Variants in TTC17 observed in about 807,000 individuals in gnomAD.
The protein encoded by TTC17 is tetratricopeptide repeat domain 17.
A neutral mutation model predicts 143.8 loss-of-function variants in TTC17; 58 were observed. The observed-to-expected ratio is 0.40, with a 90% CI of 0.33 to 0.50. The LOEUF (loss-of-function observed/expected upper bound fraction) is 0.50, where lower values mean the gene tolerates loss of function less well. Among genes scored for constraint, TTC17 ranks in the 20% least tolerant of loss-of-function variants. The probability of loss-of-function intolerance (pLI) is 0.49; values close to 1 mark genes in which losing one functional copy is unlikely to be tolerated. For missense variants in TTC17, 1,273 were observed against 1,392.5 expected (o/e 0.91, Z 1.37); for synonymous variants, 501 against 497.8 (o/e 1.01, Z -0.09).
chr11:43,432,276 G>T (rs1372343109), intron 16 of TTC17, among the ~76,000 whole-genome samples: 1 of 152,148 alleles, frequency 6.6e-6, no homozygotes, highest in African/African-American at 2.4e-5. Flanking sequence ...CACCCTTGTA[G>T]GATAGGTTAG....
chr11:43,417,528 G>A (rs1009851395), intron 16 of TTC17, among the ~76,000 whole-genome samples: 11 of 152,104 alleles, frequency 7.2e-5, no homozygotes, highest in African/African-American at 2.7e-4. Context: ...ATTGCTGGCT[G>A]GGTCACAGAA....
At chr11:43,384,234 A>T (rs1590333371) in intron 2 of TTC17, among the ~76,000 whole-genome samples, 1 of 152,176 alleles carries the variant, frequency 6.6e-6, no homozygotes, top group South Asian at 2.1e-4. Context: ...AAAAGTATCT[A>T]CTATGCAAAT....
Position 43,376,478 on chromosome 11 carries a change from C to T in TTC17, c.160-2755C>T, listed in dbSNP as rs959026790. On this transcript the variant is annotated intron_variant, in intron 1 of 23. Coordinates refer to ENST00000039989, the MANE Select transcript of TTC17 (RefSeq NM_018259.6). ...TATTTGCATCATTTATTGTTCTGTG[C>T]AGCAATGGAAGTTTGTAGGGTTGTT... Among the ~76,000 whole-genome samples the T allele has an allele frequency of 2.0e-5, 3 of 152,204 alleles. No homozygotes were observed. In the East Asian group the frequency reaches 5.8e-4, roughly 29 times the overall value.
chr11:43,376,453 T>C (rs1175388631), intron 1 of TTC17, among the ~76,000 whole-genome samples: 1 of 152,228 alleles, frequency 6.6e-6, no homozygotes, highest in African/African-American at 2.4e-5. Context: ...TTCAGGTTAT[T>C]ATTTGCATCA....
chr11:43,451,260 G>A lies in TTC17; in HGVS notation c.3025G>A (p.Glu1009Lys). 1 of 1,613,280 alleles carries A rather than the reference G, an allele frequency of 6.2e-7. No individual in the cohort carries two copies. The highest frequency in any genetic ancestry group is 8.5e-7 in the Non-Finnish European group (1 of 1,179,312). ...QIGTRIAKVL[E>K]KNQTSWVLSS... ...TGGCACCCGAATTGCCAAAGTTTTG[G>A]AAAAGGTAAGTCACCCCACAGAAAA... Residue 1009 changes from glutamate to lysine, a missense_variant, in exon 21 of 24, where the codon GAA becomes AAA. Coordinates refer to ENST00000039989, the MANE Select transcript of TTC17 (RefSeq NM_018259.6).
Position 43,404,177 on chromosome 11 carries a change from T to G in TTC17, c.1479+33T>G, listed in dbSNP as rs779946690. ...AATAGAGGATGACGAAGCAGTTTTC[T>G]CAAACTGGCAAGATCCATTAAAGCA... On this transcript the variant is annotated intron_variant, in intron 11 of 23. Coordinates refer to ENST00000039989, the MANE Select transcript of TTC17 (RefSeq NM_018259.6). 2.6e-5 allele frequency: 42 copies of G among 1,585,016 alleles called. No individual in the cohort carries two copies. In the South Asian group the frequency reaches 4.8e-4, roughly 18 times the overall value.
intron 1 of TTC17, among the ~76,000 whole-genome samples, chr11:43,377,325 A>T (rs547136976): frequency 6.6e-6 from 1 of 152,302 alleles, no homozygotes; most frequent in South Asian, 2.1e-4. Context: ...ATCTCATGGG[A>T]GCACCATCAC....
At chr11:43,417,572 ATGCC>A (rs377102873) in intron 16 of TTC17, among the ~76,000 whole-genome samples, 5 of 152,204 alleles carry the variant, frequency 3.3e-5, no homozygotes, top group African/African-American at 1.2e-4. Flanking sequence ...ATGGTGGCTC[ATGCC>A]TGTAATCCCA....
At chr11:43,445,567 A>G (rs370084556) in intron 18 of TTC17, among the ~76,000 whole-genome samples, 60 of 152,368 alleles carry the variant, frequency 3.9e-4, no homozygotes, top group African/African-American at 1.3e-3. Context: ...AAAGCCGAAT[A>G]TGGTTGAGAT....
intron 21 of TTC17, among the ~76,000 whole-genome samples, chr11:43,467,989 A>C (rs1475805779): frequency 1.3e-5 from 2 of 152,294 alleles, no homozygotes; most frequent in Admixed American, 6.5e-5. Flanking sequence ...ATTATGAAAG[A>C]CATTATTTCA....
At chr11:43,489,351 C>G (rs1448202536) in intron 21 of TTC17, among the ~76,000 whole-genome samples, 2 of 152,162 alleles carry the variant, frequency 1.3e-5, no homozygotes, top group Non-Finnish European at 2.9e-5. Flanking sequence ...TCTCACCCAT[C>G]AGATTGTCAG....
Position 43,450,062 on chromosome 11 carries a change from T to C in TTC17, c.2787-20T>C. 1 of 1,608,440 alleles carries C rather than the reference T, an allele frequency of 6.2e-7. No homozygotes were observed. Among genetic ancestry groups the C allele is most frequent in the African/African-American group, 1.3e-5 (1 of 74,760 alleles). The stretch of plus-strand genomic sequence containing the variant: ...ACTCAAAAATTTCCCATAGCTAATG[T>C]GGTAATCTCCATTTTTCAGCATCAC... On this transcript the variant is annotated intron_variant, in intron 19 of 23. Coordinates refer to ENST00000039989, the MANE Select transcript of TTC17 (RefSeq NM_018259.6).
intron 21 of TTC17, among the ~76,000 whole-genome samples, chr11:43,457,277 C>T (rs1947782176): frequency 1.3e-5 from 2 of 152,006 alleles, no homozygotes; most frequent in African/African-American, 4.8e-5. Flanking sequence ...ACTGTATGCC[C>T]CAACTTAACA....
chr11:43,421,152 A>G (rs1946893784), intron 16 of TTC17, among the ~76,000 whole-genome samples: 1 of 152,180 alleles, frequency 6.6e-6, no homozygotes, highest in Non-Finnish European at 1.5e-5. Context: ...TGAGTGCTCA[A>G]GGGGTTGGGG....
intron 15 of TTC17, among the ~76,000 whole-genome samples, chr11:43,411,480 G>T (rs565524593): frequency 6.7e-6 from 1 of 148,680 alleles, no homozygotes; most frequent in African/African-American, 2.5e-5. Flanking sequence ...ATTTTTCTCC[G>T]TCCCATTTTG....
At chr11:43,437,945 G>C (rs1947328628) in intron 16 of TTC17, among the ~76,000 whole-genome samples, 2 of 152,230 alleles carry the variant, frequency 1.3e-5, no homozygotes, top group Non-Finnish European at 2.9e-5. Context: ...TATGATTATT[G>C]TTTTCTGCTC....
At chr11:43,430,540 A>T (rs1036617172) in intron 16 of TTC17, among the ~76,000 whole-genome samples, 2 of 152,188 alleles carry the variant, frequency 1.3e-5, no homozygotes, top group Admixed American at 6.5e-5. Flanking sequence ...TCTGTCTATT[A>T]AAATGTCCTT....
intron 21 of TTC17, among the ~76,000 whole-genome samples, chr11:43,479,021 A>G (rs954879081): frequency 1.3e-5 from 2 of 152,136 alleles, no homozygotes; most frequent in African/African-American, 4.8e-5. Flanking sequence ...CAGGTGGATC[A>G]CCAAGTCAGG....
At chr11:43,463,068 A>G (rs1254616099) in intron 21 of TTC17, among the ~76,000 whole-genome samples, 1 of 151,912 alleles carries the variant, frequency 6.6e-6, no homozygotes, top group African/African-American at 2.4e-5. Context: ...GGCGTGCGCC[A>G]CCACACCCAG....
Sources: allele counts gnomAD v4.1 joint callset (sites outside exome capture counted in the v4.1 genomes callset), GRCh38; gene constraint gnomAD v4.1.1; transcripts MANE v1.5; gene names NCBI Gene and HGNC (gene_info 2026-07-23, HGNC 2026-07-21).